The following DPP6 variants were observed in gnomAD, a reference collection of about 807,000 sequenced individuals.
DPP6 encodes dipeptidyl peptidase like 6.
Under a neutral mutation model 122.6 loss-of-function variants are expected in DPP6, and 69 were observed. The observed-to-expected ratio is 0.56, with a 90% CI of 0.46 to 0.69. DPP6 has a LOEUF of 0.69. DPP6 is among the 30% of genes least tolerant of loss of function. The pLI is 0.00. For synonymous variants in DPP6, 418 were observed against 433.1 expected (o/e 0.97, Z 0.43); for missense variants, 928 against 1,116.9 (o/e 0.83, Z 2.41).
chr7:154,324,207 G>A (rs949998859), intron 1 of DPP6, among the ~76,000 whole-genome samples: 10 of 152,160 alleles, frequency 6.6e-5, no homozygotes, highest in African/African-American at 1.9e-4. Context: ...TCCTGTTCAC[G>A]GTTGCCTTTT....
intron 3 of DPP6, among the ~76,000 whole-genome samples, chr7:154,499,741 C>T (rs1441551106): frequency 6.6e-6 from 1 of 152,046 alleles, no homozygotes; most frequent in Admixed American, 6.6e-5. Flanking sequence ...TATATCCCCA[C>T]CACCCACCAA....
the DPP6 span, among the ~76,000 whole-genome samples, chr7:153,855,671 C>A: frequency 1.1e-4 from 17 of 152,254 alleles, 1 homozygote; most frequent in Admixed American, 9.8e-4. Context: ...CAGTGTACTT[C>A]TGTGTGTGTT....
chr7:154,654,407 T>TCGA (rs1313197447), intron 6 of DPP6, among the ~76,000 whole-genome samples: 1 of 111,550 alleles, frequency 9.0e-6, no homozygotes. Flanking sequence ...ATCCAAATCT[T>TCGA]TCTTTCTTTC....
chr7:154,596,014 T>A (rs1448734809), intron 5 of DPP6, among the ~76,000 whole-genome samples: 2 of 152,188 alleles, frequency 1.3e-5, no homozygotes, highest in Non-Finnish European at 2.9e-5. Context: ...TGAGCCAAGA[T>A]GTGCCGCTAC....
intron 3 of DPP6, among the ~76,000 whole-genome samples, chr7:154,477,269 G>GCACCAGCAC (rs144281204): frequency 2.0e-5 from 3 of 151,310 alleles, no homozygotes; most frequent in African/African-American, 7.3e-5. Flanking sequence ...ACCACCACCA[G>GCACCAGCAC]CAGCACCAGC....
chr7:154,802,087 G>A (rs1337157697), intron 13 of DPP6, among the ~76,000 whole-genome samples: 1 of 152,048 alleles, frequency 6.6e-6, no homozygotes, highest in Non-Finnish European at 1.5e-5. Context: ...TGCAGGACGG[G>A]GCTGCCATGG....
intron 1 of DPP6, among the ~76,000 whole-genome samples, chr7:153,967,636 G>T (rs73729244): frequency 0.059 from 9,017 of 152,000 alleles, 872 homozygotes; most frequent in African/African-American, 0.21. Context: ...CCTAACATCA[G>T]TGTCTCTCTC....
intron 17 of DPP6, among the ~76,000 whole-genome samples, chr7:154,859,468 G>A (rs1171702720): frequency 6.6e-6 from 1 of 152,206 alleles, no homozygotes; most frequent in Non-Finnish European, 1.5e-5. Context: ...GCTGGGACCC[G>A]TCTTTATCAT....
intron 5 of DPP6, among the ~76,000 whole-genome samples, chr7:154,628,874 G>A (rs935941611): frequency 1.3e-5 from 2 of 152,122 alleles, no homozygotes; most frequent in African/African-American, 4.8e-5. Context: ...ATGTAAATGT[G>A]GCAATTCGCG....
At chr7:154,313,702 TATATATATATATAC>T (rs1206757402) in intron 1 of DPP6, among the ~76,000 whole-genome samples, 2 of 39,422 alleles carry the variant, frequency 5.1e-5, no homozygotes, top group African/African-American at 1.4e-4. Flanking sequence ...TATATATATA[TATATATATATATAC>T]ACACACACGC....
chr7:153,837,079 G>C, the DPP6 span, among the ~76,000 whole-genome samples: 1 of 152,110 alleles, frequency 6.6e-6, no homozygotes, highest in South Asian at 2.1e-4. Flanking sequence ...TTGACACTGA[G>C]ATCAGAAGAC....
chr7:154,022,046 C>G (rs1446877567), intron 1 of DPP6, among the ~76,000 whole-genome samples: 1 of 152,052 alleles, frequency 6.6e-6, no homozygotes, highest in Non-Finnish European at 1.5e-5. Context: ...CTCCCCCTCT[C>G]AATGGGAGGA....
At chr7:154,169,674 A>G (rs1797437191) in intron 1 of DPP6, among the ~76,000 whole-genome samples, 1 of 152,184 alleles carries the variant, frequency 6.6e-6, no homozygotes, top group Non-Finnish European at 1.5e-5. Flanking sequence ...TACTGTTATT[A>G]TAAGGAGCTA....
At chr7:153,765,413 G>A in the DPP6 span, among the ~76,000 whole-genome samples, 2 of 152,036 alleles carry the variant, frequency 1.3e-5, no homozygotes, top group Non-Finnish European at 2.9e-5. Context: ...ATGGTGGCGG[G>A]CACCTGTAAT....
At chr7:153,964,999 T>TCTTCCTTCCTTCCTTC (rs1209264469) in intron 1 of DPP6, among the ~76,000 whole-genome samples, 1 of 62,432 alleles carries the variant, frequency 1.6e-5, no homozygotes, top group Non-Finnish European at 3.1e-5. Flanking sequence ...TTCCTTCCTT[T>TCTTCCTTCCTTCCTTC]CTTCCTTCCT....
chr7:154,099,083 A>G (rs1371545679), intron 1 of DPP6, among the ~76,000 whole-genome samples: 2 of 152,232 alleles, frequency 1.3e-5, no homozygotes, highest in Non-Finnish European at 2.9e-5. Context: ...TGCAGAGAGT[A>G]AAAATGGAAA....
At chr7:154,549,002 T>C (rs1829427387) in intron 4 of DPP6, among the ~76,000 whole-genome samples, 2 of 151,826 alleles carry the variant, frequency 1.3e-5, no homozygotes, top group African/African-American at 4.8e-5. Context: ...GGTTAGTAGG[T>C]TGTTTTGGGA....
At chr7:154,406,827 G>C (rs1427847764) in intron 1 of DPP6, among the ~76,000 whole-genome samples, 1 of 152,138 alleles carries the variant, frequency 6.6e-6, no homozygotes, top group Non-Finnish European at 1.5e-5. Context: ...TAAAGAGCAG[G>C]ATGAATGCCA....
At chr7:154,427,076 A>G (rs528717784) in intron 1 of DPP6, among the ~76,000 whole-genome samples, 10 of 152,240 alleles carry the variant, frequency 6.6e-5, no homozygotes, top group South Asian at 2.1e-4. Context: ...AATAGCTACT[A>G]AGATCATTAA....
Sources: allele counts gnomAD v4.1 joint callset (sites outside exome capture counted in the v4.1 genomes callset), GRCh38; gene constraint gnomAD v4.1.1; transcripts MANE v1.5; gene names NCBI Gene and HGNC (gene_info 2026-07-23, HGNC 2026-07-21).